The following ZNF143 variants were observed in gnomAD, a reference collection of about 807,000 sequenced individuals.
The protein encoded by ZNF143 is zinc finger protein 143, also known as SPH-binding factor.
A neutral mutation model predicts 74.1 loss-of-function variants in ZNF143; 49 were observed. That is an observed-to-expected ratio of 0.66 (90% confidence interval 0.53 to 0.84). The LOEUF is 0.84. ZNF143 is among the 40% of genes least tolerant of loss of function. The pLI is 0.00. For missense variants in ZNF143, 637 were observed against 793.4 expected (o/e 0.80, Z 2.37); for synonymous variants, 304 against 282.8 (o/e 1.07, Z -0.75).
intron 1 of ZNF143, among the ~76,000 whole-genome samples, chr11:9,464,086 TTG>T (rs144501900): frequency 0.026 from 3,171 of 123,828 alleles, 88 homozygotes; most frequent in African/African-American, 0.07. Context: ...GTGTGTGTGT[TTG>T]TGTGTGTGTG....
chr11:9,468,059 T>C (rs1856352852), intron 1 of ZNF143, among the ~76,000 whole-genome samples: 1 of 152,110 alleles, frequency 6.6e-6, no homozygotes, highest in Non-Finnish European at 1.5e-5. Flanking sequence ...GCATCAGAAA[T>C]GGTGTTTGGA....
In ZNF143 at chr11:9,507,838, C is replaced by T. The variant is rs115671630; in HGVS notation, c.1148-781C>T. Among the ~76,000 whole-genome samples the T allele has an allele frequency of 4.8e-3, 725 of 152,208 alleles. 6 individuals are homozygous for T. Among genetic ancestry groups the T allele is most frequent in the African/African-American group, 0.017 (690 of 41,536 alleles). ...AAAAGAATGTTACCTGCAACTGTTTCGGAATAATCCTGGTCGGGAAGAAGG... is the reference window on the plus strand; with the variant it reads ...AAAAGAATGTTACCTGCAACTGTTTTGGAATAATCCTGGTCGGGAAGAAGG... On this transcript the variant is annotated intron_variant, in intron 11 of 15. Coordinates refer to ENST00000396602, the MANE Select transcript of ZNF143 (RefSeq NM_003442.6).
intron 5 of ZNF143, among the ~76,000 whole-genome samples, chr11:9,477,233 C>T (rs1240519551): frequency 6.9e-6 from 1 of 145,026 alleles, no homozygotes; most frequent in Non-Finnish European, 1.5e-5. Context: ...TCCTTCCCTT[C>T]CTTCCCTTCC....
At chr11:9,499,406 G>A (rs1848077314) in intron 10 of ZNF143, among the ~76,000 whole-genome samples, 1 of 152,112 alleles carries the variant, frequency 6.6e-6, no homozygotes, top group African/African-American at 2.4e-5. Flanking sequence ...TTCTCCTTAG[G>A]CTGACATAAT....
At chr11:9,463,575 T>C (rs182894779) in intron 1 of ZNF143, among the ~76,000 whole-genome samples, 2 of 152,344 alleles carry the variant, frequency 1.3e-5, no homozygotes, top group Admixed American at 1.3e-4. Context: ...TTTATAATCA[T>C]TGGAGAAATG....
chr11:9,491,599 C>T lies in ZNF143; in HGVS notation c.646-3047C>T, dbSNP rs558120129. ...GCTACAGTGAGCGGAGATCGCACCA[C>T]CTCACTCCAGCCTGGGGAACAGAGT... On this transcript the variant is annotated intron_variant, in intron 7 of 15. Coordinates refer to ENST00000396602, the MANE Select transcript of ZNF143 (RefSeq NM_003442.6). Among the ~76,000 whole-genome samples the T allele has an allele frequency of 6.1e-4, 93 of 152,036 alleles. 1 individual carries two copies. Among genetic ancestry groups the T allele is most frequent in the African/African-American group, 2.0e-3 (82 of 41,492 alleles).
rs114769972 is a variant in ZNF143 at position 9,478,943 on chromosome 11, A to G, written c.570+357A>G. 7.6e-3 allele frequency among the ~76,000 whole-genome samples: 1,160 copies of G among 152,310 alleles called. 18 individuals are homozygous for G. The highest frequency in any genetic ancestry group is 0.027 in the African/African-American group (1,102 of 41,584). The stretch of plus-strand genomic sequence containing the variant: ...ATAGAAGAGAAATGAGTGGCAGGTA[A>G]TTCACCGAAAGATATACGAGGATGA... On this transcript the variant is annotated intron_variant, in intron 6 of 15. Transcript: ENST00000396602.
intron 1 of ZNF143, among the ~76,000 whole-genome samples, chr11:9,470,375 G>A (rs1856498493): frequency 6.6e-6 from 1 of 152,278 alleles, no homozygotes; most frequent in South Asian, 2.1e-4. Flanking sequence ...TAAATAATAA[G>A]TACTGTGCAG....
chr11:9,468,432 C>T lies in ZNF143; in HGVS notation c.-7-2870C>T, dbSNP rs148007836. On this transcript the variant is annotated intron_variant, in intron 1 of 15. Transcript: ENST00000396602. ...AAGGTATCAGGCTCTACCTACCTGC[C>T]AGTCAGTTTCATATATTCAGTTTTT... Among the ~76,000 whole-genome samples, 18 of 152,284 alleles carry T rather than the reference C, an allele frequency of 1.2e-4. 1 individual carries two copies. The highest frequency in any genetic ancestry group is 3.6e-4 in the African/African-American group (15 of 41,554).
In ZNF143 at chr11:9,482,607, C is replaced by T. The variant is rs114446606; in HGVS notation, c.645+3061C>T. Among the ~76,000 whole-genome samples the T allele has an allele frequency of 4.8e-3, 720 of 151,316 alleles. 38 individuals carry two copies. The highest frequency in any genetic ancestry group is 0.017 in the African/African-American group (689 of 40,838). On this transcript the variant is annotated intron_variant, in intron 7 of 15. Transcript: ENST00000396602. ...TACTCTTTATCTGTAGACATATTAC[C>T]ATTTGGTATTGGTACCAGTAGACAA...
In ZNF143 at chr11:9,482,737, A is replaced by T. The variant is rs556372051; in HGVS notation, c.645+3191A>T. 7.3e-5 allele frequency among the ~76,000 whole-genome samples: 11 copies of T among 150,970 alleles called. 1 individual carries two copies. The highest frequency in any genetic ancestry group is 2.7e-4 in the African/African-American group (11 of 40,536). On this transcript the variant is annotated intron_variant, in intron 7 of 15. Coordinates refer to ENST00000396602, the MANE Select transcript of ZNF143 (RefSeq NM_003442.6). ...TTACAGACTAGATCTGCAATGTCCA[A>T]TACGGTTGCCACTAGCCATATGTGG...
At chr11:9,461,177 C>A (rs966996701) in intron 1 of ZNF143, 101 bp downstream of exon 1, 1 of 741,768 alleles carries the variant, frequency 1.3e-6, no homozygotes, top group Non-Finnish European at 1.6e-6. Context: ...GGCTCCGGCT[C>A]CCGCTGCTCA....
intron 7 of ZNF143, among the ~76,000 whole-genome samples, chr11:9,482,920 A>G (rs1179147080): frequency 1.3e-5 from 2 of 151,550 alleles, no homozygotes; most frequent in Non-Finnish European, 2.9e-5. Context: ...CAAAATAATT[A>G]CTATTAATTT....
chr11:9,485,010 G>A (rs1847412159), intron 7 of ZNF143, among the ~76,000 whole-genome samples: 1 of 147,286 alleles, frequency 6.8e-6, no homozygotes, highest in African/African-American at 2.6e-5. Context: ...TGTTAGCCAG[G>A]ATGGTCTCCA....
Position 9,527,739 on chromosome 11 carries a change from C to A in ZNF143, c.*126C>A. 1.3e-6 allele frequency: 1 copy of A among 767,988 alleles called. No homozygotes were observed. The highest frequency in any genetic ancestry group is 2.1e-6 in the Non-Finnish European group (1 of 470,252). The allele number at this position is 767,988 out of a possible 1,614,324, so 47.6% of individuals were successfully genotyped here. ...CTGATACACTGTACACATTTTTATG[C>A]GAGAGTGGAGAACATTTTATTCTTG... On this transcript the variant is annotated 3_prime_UTR_variant, in exon 16 of 16. Coordinates refer to ENST00000396602, the MANE Select transcript of ZNF143 (RefSeq NM_003442.6).
At chr11:9,516,991 T>C (rs1017718374) in intron 14 of ZNF143, among the ~76,000 whole-genome samples, 2 of 152,254 alleles carry the variant, frequency 1.3e-5, no homozygotes, top group Non-Finnish European at 2.9e-5. Context: ...CATGGCTCAC[T>C]GCAGCCTCAA....
chr11:9,477,422 T>C (rs534838622), intron 5 of ZNF143, among the ~76,000 whole-genome samples: 1 of 151,718 alleles, frequency 6.6e-6, no homozygotes, highest in Admixed American at 6.6e-5. Flanking sequence ...GCCCAGCTAT[T>C]TTTTTTGTAT....
chr11:9,489,942 A>T (rs923911729), intron 7 of ZNF143, among the ~76,000 whole-genome samples: 8 of 152,286 alleles, frequency 5.3e-5, no homozygotes, highest in Middle Eastern at 3.4e-3. Flanking sequence ...ACACTTTGGG[A>T]GGCTGAGGCA....
At position 9,478,571 on chromosome 11, in the gene ZNF143, A is replaced by G. The variant is rs556790351; in HGVS notation, c.555A>G (p.Glu185=). The G allele has an allele frequency of 6.2e-7, 1 of 1,614,068 alleles. No homozygotes were observed. Among genetic ancestry groups the G allele is most frequent in the African/African-American group, 1.3e-5 (1 of 75,068 alleles). The change falls in exon 6 of 16, where the codon GAA becomes GAG. Residue 185 remains glutamate (E), a synonymous_variant. Coordinates refer to ENST00000396602, the MANE Select transcript of ZNF143 (RefSeq NM_003442.6). ...ACCCTGACACCATCAGTGCTTTGGA[A>G]CAGTATGCAGCAAAGGTATAGCATT... is the stretch of plus-strand genomic sequence containing the variant. ...TIDPDTISAL[E]QYAAKVSIDG...
Sources: gnomAD v4.1 joint callset for allele counts (sites outside exome capture counted in the v4.1 genomes callset) on GRCh38, gnomAD v4.1.1 for gene constraint, MANE v1.5 for transcripts, NCBI Gene and HGNC (gene_info 2026-07-23, HGNC 2026-07-21) for gene names.